Variants in NPAS3 observed in about 807,000 individuals in gnomAD.
The protein encoded by NPAS3 is neuronal PAS domain protein 3.
A neutral mutation model predicts 73.1 loss-of-function variants in NPAS3; 14 were observed. The ratio of observed to expected loss-of-function variants is 0.19; its 90% CI spans 0.13 to 0.30. The LOEUF (loss-of-function observed/expected upper bound fraction) is 0.30, where lower values mean the gene tolerates loss of function less well. Ranked by LOEUF, NPAS3 falls within the 10% of genes least tolerant of loss-of-function variation. The probability of loss-of-function intolerance (pLI) is 1.00; values close to 1 mark genes in which losing one functional copy is unlikely to be tolerated. For synonymous variants in NPAS3, 620 were observed against 541.5 expected (o/e 1.14, Z -2.01); for missense variants, 1,096 against 1,250.0 (o/e 0.88, Z 1.86).
intron 4 of NPAS3, among the ~76,000 whole-genome samples, chr14:33,546,101 C>T (rs1037169587): frequency 3.3e-5 from 5 of 152,174 alleles, no homozygotes; most frequent in Non-Finnish European, 5.9e-5. Context: ...GGCCAGGAGT[C>T]TACCTCTATA....
At chr14:33,298,176 G>A (rs560767608) in intron 3 of NPAS3, among the ~76,000 whole-genome samples, 72 of 152,144 alleles carry the variant, frequency 4.7e-4, no homozygotes, top group African/African-American at 1.6e-3. Flanking sequence ...CCAGCTACTC[G>A]GGAGGCTGAG....
chr14:32,978,767 A>G (rs2037787549), intron 1 of NPAS3, among the ~76,000 whole-genome samples: 1 of 152,198 alleles, frequency 6.6e-6, no homozygotes, highest in African/African-American at 2.4e-5. Flanking sequence ...TGTATTAGAG[A>G]AACACTGAAT....
intron 1 of NPAS3, among the ~76,000 whole-genome samples, chr14:32,988,165 C>T (rs2038171927): frequency 6.6e-6 from 1 of 152,060 alleles, no homozygotes; most frequent in African/African-American, 2.4e-5. Context: ...ATTTAAGAAT[C>T]ATAATGTCTG....
chr14:33,282,859 A>G (rs988127167), intron 3 of NPAS3, among the ~76,000 whole-genome samples: 4 of 152,188 alleles, frequency 2.6e-5, no homozygotes, highest in African/African-American at 4.8e-5. Context: ...CTGTCTCATC[A>G]TGAGAATCCC....
intron 2 of NPAS3, chr14:33,214,633 G>A (rs17556373): frequency 0.093 from 14,220 of 152,360 alleles, 796 homozygotes; most frequent in Non-Finnish European, 0.13. Flanking sequence ...CTAACTGAAC[G>A]TGCTGTGATC....
At chr14:33,056,679 G>A (rs988286154) in intron 2 of NPAS3, among the ~76,000 whole-genome samples, 1 of 152,274 alleles carries the variant, frequency 6.6e-6, no homozygotes, top group African/African-American at 2.4e-5. Flanking sequence ...ATCATAGTTG[G>A]ACTTGTATTG....
chr14:33,030,993 T>C (rs1216260291), intron 1 of NPAS3, among the ~76,000 whole-genome samples: 5 of 152,204 alleles, frequency 3.3e-5, no homozygotes, highest in Admixed American at 3.3e-4. Flanking sequence ...CAAGGTTCTT[T>C]ATTCAATCTC....
intron 4 of NPAS3, among the ~76,000 whole-genome samples, chr14:33,420,168 G>T (rs1312624649): frequency 6.6e-6 from 1 of 151,954 alleles, no homozygotes; most frequent in Non-Finnish European, 1.5e-5. Context: ...AGACAAGGAT[G>T]TCATATTTTT....
chr14:33,005,315 T>A (rs2038963457), intron 1 of NPAS3, among the ~76,000 whole-genome samples: 1 of 152,162 alleles, frequency 6.6e-6, no homozygotes, highest in Non-Finnish European at 1.5e-5. Flanking sequence ...TCTATTATAA[T>A]CTTAGGGTAC....
At chr14:33,019,888 A>G (rs1360704201) in intron 1 of NPAS3, among the ~76,000 whole-genome samples, 5 of 152,200 alleles carry the variant, frequency 3.3e-5, no homozygotes, top group Admixed American at 1.3e-4. Context: ...AGCTGGTTTC[A>G]TGAAATTAAC....
chr14:32,948,155 A>C (rs577010756), intron 1 of NPAS3, among the ~76,000 whole-genome samples: 2 of 152,268 alleles, frequency 1.3e-5, no homozygotes, highest in Admixed American at 6.5e-5. Flanking sequence ...TAGTTTTAAC[A>C]ATTGAATCTT....
intron 2 of NPAS3, among the ~76,000 whole-genome samples, chr14:33,162,969 ATCTTT>A (rs2044962341): frequency 6.6e-6 from 1 of 152,208 alleles, no homozygotes; most frequent in South Asian, 2.1e-4. Flanking sequence ...AAAAATACAG[ATCTTT>A]GAAATCATTA....
intron 1 of NPAS3, among the ~76,000 whole-genome samples, chr14:32,941,934 A>C (rs539058648): frequency 1.3e-5 from 2 of 152,352 alleles, no homozygotes; most frequent in East Asian, 3.9e-4. Context: ...TGTAAACATT[A>C]CACATGTAAG....
intron 9 of NPAS3, among the ~76,000 whole-genome samples, chr14:33,793,341 G>A (rs1242603023): frequency 6.6e-6 from 1 of 152,266 alleles, no homozygotes; most frequent in East Asian, 1.9e-4. Context: ...TCCCCCGACT[G>A]ACCAGTGTAA....
rs1230205275 is a variant in NPAS3, at chr14:33,800,996, A to T, written c.2689A>T (p.Met897Leu). The T allele has an allele frequency of 6.3e-7, 1 of 1,587,544 alleles. No individual in the cohort carries two copies. Among genetic ancestry groups the T allele is most frequent in the Non-Finnish European group, 8.6e-7 (1 of 1,167,758 alleles). Residue 897 changes from methionine to leucine, a missense_variant, in exon 12 of 12, where the codon ATG (methionine) becomes TTG (leucine). This residue lies in a region of NPAS3 where 698 missense variants were observed against 676.7 expected (regional missense o/e 1.03). Transcript: ENST00000356141. The surrounding 1 kb of genome is among the most constrained non-coding windows in gnomAD (Gnocchi z 6.5). ...AGTGAGCGCAGCTAGCCTGACGCAGATGCCCGCCGGCAACGTGTTCACCAC... is the reference window on the plus strand; with the variant it reads ...AGTGAGCGCAGCTAGCCTGACGCAGTTGCCCGCCGGCAACGTGTTCACCAC...
chr14:33,191,985 G>T (rs1303388209), intron 2 of NPAS3, among the ~76,000 whole-genome samples: 2 of 152,106 alleles, frequency 1.3e-5, no homozygotes, highest in Non-Finnish European at 2.9e-5. Flanking sequence ...AGTAATTCAT[G>T]GGATTTAAAA....
intron 3 of NPAS3, among the ~76,000 whole-genome samples, chr14:33,266,049 C>A (rs557377917): frequency 6.6e-6 from 1 of 151,658 alleles, no homozygotes; most frequent in South Asian, 2.1e-4. Flanking sequence ...TTAGACTATA[C>A]TCTAAGATAA....
intron 3 of NPAS3, among the ~76,000 whole-genome samples, chr14:33,362,934 G>A (rs35837898): frequency 0.18 from 27,394 of 152,014 alleles, 2,775 homozygotes; most frequent in East Asian, 0.43. Flanking sequence ...CCCTCCAATA[G>A]CAAGCCCCTC....
intron 3 of NPAS3, among the ~76,000 whole-genome samples, chr14:33,310,457 G>A (rs531209763): frequency 6.6e-6 from 1 of 152,300 alleles, no homozygotes; most frequent in Admixed American, 6.5e-5. Context: ...GAGCAAGACA[G>A]ACCCTCACGT....
Sources: allele counts gnomAD v4.1 joint callset (sites outside exome capture counted in the v4.1 genomes callset), GRCh38; gene constraint gnomAD v4.1.1; regional missense constraint gnomAD v4.1.1; non-coding constraint Gnocchi (gnomAD v3.1); transcripts MANE v1.5; gene names NCBI Gene and HGNC (gene_info 2026-07-23, HGNC 2026-07-21).